The following SVBP variants were observed in gnomAD, a reference collection of about 807,000 sequenced individuals.
SVBP encodes the protein small vasohibin binding protein.
In SVBP, 9 loss-of-function variants were observed where a neutral mutation model predicts 9.2. That is an observed-to-expected ratio of 0.98 (90% CI 0.59 to 1.71). The LOEUF (loss-of-function observed/expected upper bound fraction) is 1.71, where lower values mean the gene tolerates loss of function less well. Ranked by LOEUF, SVBP falls within the 40% of genes most tolerant of loss-of-function variation. SVBP has a pLI of 0.00. For missense variants in SVBP, 63 were observed against 73.2 expected (o/e 0.86, Z 0.51); for synonymous variants, 27 against 23.9 (o/e 1.13, Z -0.37).
At position 42,808,176 on chromosome 1, in the gene SVBP, T is replaced by TAC. The variant is rs1226380126; in HGVS notation, c.115-677_115-676insGT. ...ATATATATATATATATATATATATA[T>TAC]ATACATACTATGTATAGTATATATA... On this transcript the variant is annotated intron_variant, in intron 2 of 2. Coordinates refer to ENST00000372521, the MANE Select transcript of SVBP (RefSeq NM_199342.4). Among the ~76,000 whole-genome samples the TAC allele has an allele frequency of 3.8e-4, 28 of 74,042 alleles. 2 individuals are homozygous for TAC. Among genetic ancestry groups the TAC allele is most frequent in the Admixed American group, 1.3e-3 (9 of 7,142 alleles). The allele number at this position is 74,042 out of a possible 152,430, so 48.6% of individuals were successfully genotyped here.
At chr1:42,810,381 C>G (rs562284292) in intron 2 of SVBP, among the ~76,000 whole-genome samples, 1 of 152,014 alleles carries the variant, frequency 6.6e-6, no homozygotes. Context: ...CTCCTGACCT[C>G]GTGATCTGCC....
intron 2 of SVBP, among the ~76,000 whole-genome samples, chr1:42,809,921 C>A (rs1208827052): frequency 2.0e-5 from 3 of 151,952 alleles, no homozygotes; most frequent in Non-Finnish European, 2.9e-5. Flanking sequence ...AGTAAATTAA[C>A]GTAGAACAGC....
At chr1:42,816,159 ACATAT>A (rs1322340207) in intron 2 of SVBP, 9 of 379,224 alleles carry the variant, frequency 2.4e-5, no homozygotes, top group Non-Finnish European at 3.8e-5. Context: ...CTTTCCCCTT[ACATAT>A]CATTTTTTTT....
intron 2 of SVBP, among the ~76,000 whole-genome samples, chr1:42,815,658 ATTCTT>A (rs1459376059): frequency 6.7e-5 from 10 of 150,082 alleles, no homozygotes; most frequent in African/African-American, 2.5e-4. Context: ...AATAAACTAA[ATTCTT>A]ATATTGGCAT....
At chr1:42,808,567 A>ATATATAC (rs1168400622) in intron 2 of SVBP, among the ~76,000 whole-genome samples, 4 of 147,194 alleles carry the variant, frequency 2.7e-5, no homozygotes, top group African/African-American at 9.9e-5. Flanking sequence ...TATTAATAGT[A>ATATATAC]TATATACTAT....
Position 42,817,263 on chromosome 1 carries a change from G to A in SVBP, c.-110C>T, listed in dbSNP as rs769441994. 8.0e-6 allele frequency: 10 copies of A among 1,245,510 alleles called. No individual in the cohort carries two copies. Among genetic ancestry groups the A allele is most frequent in the South Asian group, 2.6e-5 (2 of 76,528 alleles). 77.2% of individuals were successfully genotyped at this position (1,245,510 alleles called of 1,614,324 possible). A position where few individuals can be genotyped will look rare whatever the true frequency, so the allele number is the denominator to read the frequency against. ...CAACGCCTCCGGGAGGGTAATCCTCGCCTTCCCCCGACCACTGGACCCAGC... is the reference window on the plus strand; with the variant it reads ...CAACGCCTCCGGGAGGGTAATCCTCACCTTCCCCCGACCACTGGACCCAGC... On this transcript the variant is annotated 5_prime_UTR_variant, in exon 1 of 3. Coordinates refer to ENST00000372521, the MANE Select transcript of SVBP (RefSeq NM_199342.4).
chr1:42,812,286 T>C (rs745685563), intron 2 of SVBP, among the ~76,000 whole-genome samples: 3 of 152,158 alleles, frequency 2.0e-5, no homozygotes, highest in Non-Finnish European at 4.4e-5. Context: ...GCAGCAAAAG[T>C]GAAGAATAAG....
At chr1:42,807,588 TACCAGAATTTC>T in intron 2 of SVBP, 88 bp from the exon 3 acceptor site, 1 of 990,028 alleles carries the variant, frequency 1.0e-6, no homozygotes, top group Non-Finnish European at 1.6e-6. Flanking sequence ...CTTCTGAAAA[TACCAGAATTTC>T]ACCAGTAGTG....
rs1250368440 is a variant in SVBP, at chr1:42,807,140, GTTTT to G, written c.*270_*273del. ...ATTTTTCTCAAACAATAGAAAAAGT[GTTTT>G]TTGTGTGTGTTTTTTTTTTTTTTTT... On this transcript the variant is annotated 3_prime_UTR_variant, in exon 3 of 3. Coordinates refer to ENST00000372521, the MANE Select transcript of SVBP (RefSeq NM_199342.4). The G allele has an allele frequency of 1.1e-5, 3 of 271,282 alleles. No homozygotes were observed. Among genetic ancestry groups the G allele is most frequent in the Non-Finnish European group, 2.0e-5 (3 of 152,970 alleles). The allele number at this position is 271,282 out of a possible 1,614,324, so 16.8% of individuals were successfully genotyped here. A position where few individuals can be genotyped will look rare whatever the true frequency, so the allele number is the denominator to read the frequency against.
At chr1:42,810,175 A>T (rs1011754790) in intron 2 of SVBP, among the ~76,000 whole-genome samples, 1 of 151,972 alleles carries the variant, frequency 6.6e-6, no homozygotes, top group African/African-American at 2.4e-5. Context: ...TTGTGAGCAG[A>T]GTCTTGCTCT....
chr1:42,814,295 C>T (rs1200220394), intron 2 of SVBP, among the ~76,000 whole-genome samples: 1 of 151,696 alleles, frequency 6.6e-6, no homozygotes, highest in Non-Finnish European at 1.5e-5. Flanking sequence ...CCAGGATGGT[C>T]TCAATCTCTT....
chr1:42,810,115 CATACAT>C (rs1212815505), intron 2 of SVBP, among the ~76,000 whole-genome samples: 14 of 120,212 alleles, frequency 1.2e-4, no homozygotes, highest in African/African-American at 4.4e-4. Context: ...CACACACACA[CATACAT>C]ACATACACAC....
chr1:42,817,173 G>A lies in SVBP; in HGVS notation c.-37+17C>T, dbSNP rs1055395092. 3.2e-6 allele frequency: 4 copies of A among 1,236,398 alleles called. No individual in the cohort carries two copies. The highest frequency in any genetic ancestry group is 4.2e-6 in the Non-Finnish European group (4 of 963,296). The allele number at this position is 1,236,398 out of a possible 1,614,324, so 76.6% of individuals were successfully genotyped here. A position where few individuals can be genotyped will look rare whatever the true frequency, so the allele number is the denominator to read the frequency against. On this transcript the variant is annotated intron_variant, in intron 1 of 2. Coordinates refer to ENST00000372521, the MANE Select transcript of SVBP (RefSeq NM_199342.4). ...CGGTCGCTGGAGCCGCCGACCAAGAGGCTTGGGAGTCTGTACCTTTCCCGA... is the reference window on the plus strand; with the variant it reads ...CGGTCGCTGGAGCCGCCGACCAAGAAGCTTGGGAGTCTGTACCTTTCCCGA...
At chr1:42,816,986 C>A (rs1414615579) in intron 1 of SVBP, 1 of 217,668 alleles carries the variant, frequency 4.6e-6, no homozygotes, top group East Asian at 1.8e-4. Flanking sequence ...CTGCGGCCGG[C>A]CTAACTCCGC....
chr1:42,816,192 G>T, intron 2 of SVBP: 2 of 450,494 alleles, frequency 4.4e-6, no homozygotes, highest in Non-Finnish European at 3.9e-6. Context: ...TCCTTCCCTT[G>T]GGTCTCTTAC....
At chr1:42,812,117 A>G (rs1654096023) in intron 2 of SVBP, among the ~76,000 whole-genome samples, 1 of 152,144 alleles carries the variant, frequency 6.6e-6, no homozygotes, top group South Asian at 2.1e-4. Flanking sequence ...CTCTTTTAAT[A>G]AATCCAGCAC....
rs142721941 is a variant in SVBP at position 42,811,087 on chromosome 1, C to T, written c.115-3587G>A. Among the ~76,000 whole-genome samples the T allele has an allele frequency of 4.6e-5, 7 of 152,184 alleles. No individual in the cohort carries two copies. The East Asian group carries it at 7.7e-4, about 17-fold the overall frequency. On this transcript the variant is annotated intron_variant, in intron 2 of 2. Coordinates refer to ENST00000372521, the MANE Select transcript of SVBP (RefSeq NM_199342.4). ...CTGGGAGGTGGAGGTTGCACTGAGT[C>T]GAGATCGTGCCACTGCACTCCAGCC...
chr1:42,807,550 A>G, intron 2 of SVBP, 50 bp from the exon 3 acceptor site: 1 of 1,405,762 alleles, frequency 7.1e-7, no homozygotes. Flanking sequence ...CAGCTGCACA[A>G]AGCATCTTCT....
At chr1:42,817,006 C>G (rs1654232613) in intron 1 of SVBP, 184 bp downstream of exon 1, 2 of 294,070 alleles carry the variant, frequency 6.8e-6, no homozygotes, top group African/African-American at 2.3e-5. Flanking sequence ...CCGCAGCAGC[C>G]GCTCCTGGGG....
Sources: gnomAD v4.1 joint callset for allele counts (sites outside exome capture counted in the v4.1 genomes callset) on GRCh38, gnomAD v4.1.1 for gene constraint, MANE v1.5 for transcripts, NCBI Gene and HGNC (gene_info 2026-07-23, HGNC 2026-07-21) for gene names.